Variants in HDAC9 observed in about 807,000 individuals in gnomAD.
HDAC9 encodes histone deacetylase 9.
In HDAC9, 41 loss-of-function variants were observed where a neutral mutation model predicts 139.4. That is an observed-to-expected ratio of 0.29 (90% CI 0.23 to 0.38). The LOEUF is 0.38. HDAC9 is among the 10% of genes least tolerant of loss of function. The pLI is 1.00. For synonymous variants in HDAC9, 517 were observed against 476.2 expected, an observed-to-expected ratio of 1.09 and a Z score of -1.12; for missense variants, 1,147 against 1,297.0, an observed-to-expected ratio of 0.88 and a Z score of 1.78.
intron 2 of HDAC9, among the ~76,000 whole-genome samples, chr7:18,271,519 C>T (rs568025061): frequency 1.3e-5 from 2 of 152,254 alleles, no homozygotes; most frequent in African/African-American, 2.4e-5. Flanking sequence ...GTACCAGTTT[C>T]CCCCTTGCTT....
intron 24 of HDAC9, among the ~76,000 whole-genome samples, chr7:18,958,167 G>T (rs1348244956): frequency 2.0e-5 from 3 of 152,116 alleles, no homozygotes; most frequent in African/African-American, 7.2e-5. Context: ...GGCCTTACAG[G>T]CCACAGAAGG....
intron 16 of HDAC9, among the ~76,000 whole-genome samples, chr7:18,768,122 G>A (rs775596121): frequency 1.1e-4 from 16 of 152,110 alleles, no homozygotes; most frequent in African/African-American, 2.7e-4. Flanking sequence ...ATTTGCCTCC[G>A]TGAGGACTTA....
intron 1 of HDAC9, among the ~76,000 whole-genome samples, chr7:18,474,863 G>A (rs1015643408): frequency 1.3e-5 from 2 of 151,692 alleles, no homozygotes; most frequent in African/African-American, 4.8e-5. Context: ...AAAGGGGAGG[G>A]GAGCAAAAAG....
At chr7:18,202,535 C>A (rs1326454803) in intron 2 of HDAC9, among the ~76,000 whole-genome samples, 1 of 152,104 alleles carries the variant, frequency 6.6e-6, no homozygotes, top group African/African-American at 2.4e-5. Context: ...GGTTTCACTT[C>A]CTTTTAGTAG....
intron 1 of HDAC9, among the ~76,000 whole-genome samples, chr7:18,295,838 G>A (rs984700878): frequency 4.6e-5 from 7 of 152,162 alleles, no homozygotes; most frequent in African/African-American, 1.7e-4. Context: ...AGCATCTAGG[G>A]GGAAGAGGCC....
upstream of HDAC9, among the ~76,000 whole-genome samples, chr7:18,287,309 C>T (rs1249582352): frequency 6.6e-6 from 1 of 151,994 alleles, no homozygotes; most frequent in Non-Finnish European, 1.5e-5. Flanking sequence ...AGAGAATTCT[C>T]ATTAACATGT....
intron 14 of HDAC9, among the ~76,000 whole-genome samples, chr7:18,760,280 C>G (rs755741526): frequency 6.6e-6 from 1 of 152,126 alleles, no homozygotes; most frequent in Non-Finnish European, 1.5e-5. Context: ...TTCTCCACCC[C>G]CTGAAATCTC....
At chr7:18,559,430 T>C (rs952588757) in intron 2 of HDAC9, among the ~76,000 whole-genome samples, 1 of 152,168 alleles carries the variant, frequency 6.6e-6, no homozygotes, top group African/African-American at 2.4e-5. Context: ...TCTGGAAACA[T>C]ATCAATCTCT....
intron 2 of HDAC9, among the ~76,000 whole-genome samples, chr7:18,177,165 G>C (rs544108329): frequency 6.6e-6 from 1 of 152,118 alleles, no homozygotes; most frequent in Admixed American, 6.5e-5. Context: ...AAAGATTTGG[G>C]GTCTATATAA....
At chr7:18,878,728 G>T (rs1305414478) in intron 22 of HDAC9, among the ~76,000 whole-genome samples, 1 of 151,538 alleles carries the variant, frequency 6.6e-6, no homozygotes, top group East Asian at 1.9e-4. Context: ...AAGGTTGGAA[G>T]CATTCCCCTT....
chr7:18,495,291 T>C (rs1367275710), upstream of HDAC9, among the ~76,000 whole-genome samples: 1 of 152,038 alleles, frequency 6.6e-6, no homozygotes, highest in Non-Finnish European at 1.5e-5. Flanking sequence ...AAGCTTCCAG[T>C]ATTATTTTAG....
chr7:18,880,568 T>G lies in HDAC9; in HGVS notation c.2803+5972T>G, dbSNP rs553514976. ...AATGCCAGAATGTAAAACCAAATAC[T>G]GTGTGTTCTCACTTTCAATTGGGAG... On this transcript the variant is annotated intron_variant, in intron 22 of 25. Transcript: ENST00000686413. Among the ~76,000 whole-genome samples the G allele has an allele frequency of 6.8e-4, 103 of 152,258 alleles. 1 individual carries two copies. The South Asian group carries it at 0.02, about 30-fold the overall frequency.
At chr7:18,755,146 A>G (rs576153020) in intron 14 of HDAC9, among the ~76,000 whole-genome samples, 15 of 152,320 alleles carry the variant, frequency 9.8e-5, no homozygotes, top group Admixed American at 3.3e-4. Flanking sequence ...TCTTGGAAAG[A>G]AGTACAAGTG....
chr7:18,833,181 T>A (rs1795986456), intron 19 of HDAC9, among the ~76,000 whole-genome samples: 2 of 152,248 alleles, frequency 1.3e-5, no homozygotes. Flanking sequence ...TTATGTATTT[T>A]AATAATAATG....
intron 8 of HDAC9, among the ~76,000 whole-genome samples, chr7:18,641,957 A>G (rs1785757871): frequency 6.6e-6 from 1 of 152,108 alleles, no homozygotes; most frequent in African/African-American, 2.4e-5. Flanking sequence ...TAGTTGAGGA[A>G]AGCTGTATTT....
chr7:18,263,973 A>C (rs1021625306), intron 2 of HDAC9, among the ~76,000 whole-genome samples: 1 of 152,200 alleles, frequency 6.6e-6, no homozygotes, highest in Non-Finnish European at 1.5e-5. Flanking sequence ...AAAAAAGGAC[A>C]TGTTGCAATG....
chr7:18,863,124 T>G (rs1585177327), intron 21 of HDAC9, among the ~76,000 whole-genome samples: 1 of 152,228 alleles, frequency 6.6e-6, no homozygotes, highest in East Asian at 1.9e-4. Context: ...TCATAAACAG[T>G]GAAGCCACAG....
chr7:18,757,078 T>A (rs1464219073), intron 14 of HDAC9, among the ~76,000 whole-genome samples: 2 of 152,102 alleles, frequency 1.3e-5, no homozygotes, highest in Non-Finnish European at 2.9e-5. Context: ...TGTTTTTTTT[T>A]AAGAAAGACA....
chr7:18,123,836 A>T (rs1026702113), intron 1 of HDAC9, among the ~76,000 whole-genome samples: 1 of 152,220 alleles, frequency 6.6e-6, no homozygotes, highest in Admixed American at 6.5e-5. Context: ...CAGTTTAAGC[A>T]GTGGTTAATT....
Sources: allele counts gnomAD v4.1 joint callset (sites outside exome capture counted in the v4.1 genomes callset), GRCh38; gene constraint gnomAD v4.1.1; transcripts MANE v1.5; gene names NCBI Gene and HGNC (gene_info 2026-07-23, HGNC 2026-07-21).